CLRN3: variants seen among roughly 807,000 people sequenced by gnomAD.
CLRN3 encodes the protein clarin-3.
In CLRN3, 12 loss-of-function variants were observed where a neutral mutation model predicts 16.7. The ratio of observed to expected loss-of-function variants is 0.72; its 90% CI spans 0.46 to 1.16. The LOEUF (loss-of-function observed/expected upper bound fraction) is 1.16, where lower values mean the gene tolerates loss of function less well. CLRN3 is among the 50% of genes most tolerant of loss of function. The probability of loss-of-function intolerance (pLI) is 0.00; values close to 1 mark genes in which losing one functional copy is unlikely to be tolerated. For synonymous variants in CLRN3, 118 were observed against 113.0 expected (o/e 1.04, Z -0.28); for missense variants, 296 against 274.2 (o/e 1.08, Z -0.56).
chr10:127,889,673 T>C (rs1444179085), intron 1 of CLRN3, among the ~76,000 whole-genome samples: 1 of 152,198 alleles, frequency 6.6e-6, no homozygotes, highest in Admixed American at 6.5e-5. Flanking sequence ...ACACTTTTCC[T>C]GTCAAAATGA....
intron 1 of CLRN3, among the ~76,000 whole-genome samples, chr10:127,887,014 C>A (rs1319376785): frequency 6.6e-6 from 1 of 152,228 alleles, no homozygotes; most frequent in Non-Finnish European, 1.5e-5. Flanking sequence ...GGGCTGGGAC[C>A]TTTTTTTCCA....
intron 2 of CLRN3, among the ~76,000 whole-genome samples, chr10:127,878,948 C>T (rs2135075698): frequency 6.6e-6 from 1 of 152,114 alleles, no homozygotes; most frequent in East Asian, 1.9e-4. Flanking sequence ...GCCCTGAGAG[C>T]CACAAATGCC....
Position 127,884,085 on chromosome 10 carries a change from C to T in CLRN3, c.230-210G>A, listed in dbSNP as rs371577169. ...ATCAGTGGTTGGATGGGTATAACCG[C>T]GACACTACAGATAACTGGACATTTA... is the stretch of plus-strand genomic sequence containing the variant. On this transcript the variant is annotated intron_variant, in intron 1 of 2. Transcript: ENST00000368671. Among the ~76,000 whole-genome samples the T allele has an allele frequency of 7.9e-5, 12 of 152,296 alleles. No individual in the cohort carries two copies. In the South Asian group the frequency reaches 8.3e-4, roughly 11 times the overall value.
At chr10:127,883,384 T>A (rs1845153158) in intron 2 of CLRN3, among the ~76,000 whole-genome samples, 1 of 152,238 alleles carries the variant, frequency 6.6e-6, no homozygotes, top group South Asian at 2.1e-4. Context: ...GTTCAGCACA[T>A]GGCAGGAGCC....
intron 1 of CLRN3, among the ~76,000 whole-genome samples, chr10:127,887,416 G>GT (rs1386471382): frequency 6.7e-6 from 1 of 149,550 alleles, no homozygotes; most frequent in Admixed American, 6.7e-5. Context: ...AGTAAAAGCT[G>GT]TTTTTGGGTA....
intron 1 of CLRN3, among the ~76,000 whole-genome samples, chr10:127,891,486 T>C (rs1191106356): frequency 6.6e-6 from 1 of 152,198 alleles, no homozygotes; most frequent in African/African-American, 2.4e-5. Context: ...CCCATCCTTA[T>C]GGGAAGCTGA....
At position 127,889,979 on chromosome 10, in the gene CLRN3, T is replaced by C. The variant is rs891347971; in HGVS notation, c.229+2577A>G. ...TCAGGATTCTGTCCTCCAACTGGGC[T>C]TTGCAGACATGCATTTCCCCCAACC... On this transcript the variant is annotated intron_variant, in intron 1 of 2. Coordinates refer to ENST00000368671, the MANE Select transcript of CLRN3 (RefSeq NM_152311.5). 1.1e-4 allele frequency among the ~76,000 whole-genome samples: 16 copies of C among 152,352 alleles called. No homozygotes were observed. In the East Asian group the frequency reaches 1.2e-3, roughly 11 times the overall value.
At chr10:127,878,473 C>G (rs961856512) in intron 2 of CLRN3, 53 bp from the exon 3 acceptor site, 1 of 1,601,098 alleles carries the variant, frequency 6.2e-7, no homozygotes, top group African/African-American at 1.3e-5. Context: ...TTTTTAATGT[C>G]ACTTATCTTT....
intron 1 of CLRN3, among the ~76,000 whole-genome samples, chr10:127,884,528 C>T (rs1453366197): frequency 1.3e-5 from 2 of 152,384 alleles, no homozygotes; most frequent in South Asian, 2.1e-4. Context: ...AGGGCTCCAA[C>T]GCTGGAGGCG....
At chr10:127,890,205 T>G (rs1231977436) in intron 1 of CLRN3, among the ~76,000 whole-genome samples, 1 of 152,150 alleles carries the variant, frequency 6.6e-6, no homozygotes, top group African/African-American at 2.4e-5. Context: ...AGAAATTAGA[T>G]CTCCAGAACT....
At chr10:127,888,276 C>T (rs972540403) in intron 1 of CLRN3, among the ~76,000 whole-genome samples, 1 of 152,194 alleles carries the variant, frequency 6.6e-6, no homozygotes, top group Non-Finnish European at 1.5e-5. Flanking sequence ...GGAGCCCAGG[C>T]TGGTGCCCCA....
chr10:127,888,990 G>C (rs773655254), intron 1 of CLRN3, among the ~76,000 whole-genome samples: 1 of 152,156 alleles, frequency 6.6e-6, no homozygotes, highest in African/African-American at 2.4e-5. Flanking sequence ...TGCCTCACCC[G>C]CATCCCAGGT....
rs1234062589 is a variant in CLRN3 at position 127,892,677 on chromosome 10, A to T, written c.108T>A (p.Ser36Arg). 1 of 1,612,014 alleles carries T rather than the reference A, an allele frequency of 6.2e-7. No homozygotes were observed. The highest frequency in any genetic ancestry group is 2.2e-5 in the East Asian group (1 of 44,872). The change falls in exon 1 of 3, where the codon AGT (serine) becomes AGA (arginine). Residue 36 changes from serine to arginine, a missense_variant. Coordinates refer to ENST00000368671, the MANE Select transcript of CLRN3 (RefSeq NM_152311.5). The stretch of plus-strand genomic sequence containing the variant: ...AAGCAGAGTCTCTAACAGCAATTGT[A>T]CTGGTGATCCATGCTTGTGTCCCAA... ...SILGTQAWIT[S>R]TIAVRDSASN...
At chr10:127,883,972 T>TAAGA in intron 1 of CLRN3, 97 bp from the exon 2 acceptor site, 1 of 1,179,332 alleles carries the variant, frequency 8.5e-7, no homozygotes, top group Non-Finnish European at 1.3e-6. Context: ...CTTGAGTTAC[T>TAAGA]GGTTGTTGGA....
chr10:127,890,625 A>G (rs1206221861), intron 1 of CLRN3, among the ~76,000 whole-genome samples: 4 of 152,182 alleles, frequency 2.6e-5, no homozygotes, highest in African/African-American at 9.7e-5. Flanking sequence ...ACCGCTGGGC[A>G]AGAAAGGGGC....
At chr10:127,884,602 A>G (rs1181705601) in intron 1 of CLRN3, among the ~76,000 whole-genome samples, 1 of 152,208 alleles carries the variant, frequency 6.6e-6, no homozygotes, top group Non-Finnish European at 1.5e-5. Context: ...TCTGAATCCT[A>G]ACAGCATTGG....
At chr10:127,884,604 C>T (rs1472014069) in intron 1 of CLRN3, among the ~76,000 whole-genome samples, 1 of 152,232 alleles carries the variant, frequency 6.6e-6, no homozygotes, top group African/African-American at 2.4e-5. Flanking sequence ...TGAATCCTAA[C>T]AGCATTGGAT....
rs562426873 is a variant in CLRN3, at chr10:127,890,026, G to C, written c.229+2530C>G. Among the ~76,000 whole-genome samples, 3 of 152,322 alleles carry C rather than the reference G, an allele frequency of 2.0e-5. No individual in the cohort carries two copies. In the East Asian group the frequency reaches 5.8e-4, roughly 29 times the overall value. On this transcript the variant is annotated intron_variant, in intron 1 of 2. Coordinates refer to ENST00000368671, the MANE Select transcript of CLRN3 (RefSeq NM_152311.5). ...AACCCCCTTGCTTGCATGCAGACCT[G>C]CACATACCATGCTCCAGCAGTGAGT...
At chr10:127,885,808 C>T (rs766912262) in intron 1 of CLRN3, among the ~76,000 whole-genome samples, 211 of 151,420 alleles carry the variant, frequency 1.4e-3, no homozygotes, top group African/African-American at 4.8e-3. Context: ...CAGGCTGGAG[C>T]GCAATGGTGC....
Sources: allele counts gnomAD v4.1 joint callset (sites outside exome capture counted in the v4.1 genomes callset), GRCh38; gene constraint gnomAD v4.1.1; transcripts MANE v1.5; gene names NCBI Gene and HGNC (gene_info 2026-07-23, HGNC 2026-07-21).